The following KCND3 variants were observed in gnomAD, a reference collection of about 807,000 sequenced individuals.
KCND3 encodes the protein A-type voltage-gated potassium channel KCND3.
KCND3 carries 9 observed loss-of-function variants against 51.1 expected under a neutral mutation model. The observed-to-expected ratio is 0.18, with a 90% confidence interval of 0.11 to 0.31. KCND3 has a LOEUF of 0.31. Among genes scored for constraint, KCND3 ranks in the 10% least tolerant of loss-of-function variants. KCND3 has a pLI of 1.00. For missense variants in KCND3, 526 were observed against 903.8 expected, an observed-to-expected ratio of 0.58 and a Z score of 5.36; for synonymous variants, 349 against 368.0, an observed-to-expected ratio of 0.95 and a Z score of 0.59.
At chr1:111,819,211 G>C (rs1666240935) in intron 2 of KCND3, among the ~76,000 whole-genome samples, 1 of 152,094 alleles carries the variant, frequency 6.6e-6, no homozygotes, top group African/African-American at 2.4e-5. Context: ...AGGGGGAAGA[G>C]GCCTCTCCCC....
intron 2 of KCND3, among the ~76,000 whole-genome samples, chr1:111,810,798 T>A (rs1465073178): frequency 6.6e-6 from 1 of 152,176 alleles, no homozygotes; most frequent in African/African-American, 2.4e-5. Context: ...TTGGCTATAT[T>A]TTTTTTCCAG....
chr1:111,906,589 T>C (rs1290338884), intron 2 of KCND3, among the ~76,000 whole-genome samples: 1 of 152,252 alleles, frequency 6.6e-6, no homozygotes, highest in African/African-American at 2.4e-5. Flanking sequence ...AACTTGATTT[T>C]TAAATTTTGC....
intron 2 of KCND3, among the ~76,000 whole-genome samples, chr1:111,956,721 A>C (rs1673362065): frequency 6.6e-6 from 1 of 152,104 alleles, no homozygotes; most frequent in Admixed American, 6.5e-5. Flanking sequence ...TTCCCCAGAG[A>C]AAAGCAGGCG....
intron 2 of KCND3, among the ~76,000 whole-genome samples, chr1:111,817,515 A>C (rs756031674): frequency 1.3e-5 from 2 of 152,224 alleles, no homozygotes; most frequent in Non-Finnish European, 2.9e-5. Context: ...CTGGGGGGTT[A>C]GCTAATTAAA....
chr1:111,787,712 A>G (rs1418142874), intron 2 of KCND3, among the ~76,000 whole-genome samples: 1 of 152,232 alleles, frequency 6.6e-6, no homozygotes, highest in African/African-American at 2.4e-5. Flanking sequence ...TAAGCAAAAG[A>G]GTAACAGAAT....
rs547129841 is a variant in KCND3 at position 111,841,350 on chromosome 1, G to A, written c.1107-54244C>T. On this transcript the variant is annotated intron_variant, in intron 2 of 7. Coordinates refer to ENST00000302127, the MANE Select transcript of KCND3 (RefSeq NM_001378969.1). ...CCCTCGCTGTACATTTCAGGCCTGC[G>A]TTCCATCCAACAGAGAGGAGGACCC... 1.2e-4 allele frequency among the ~76,000 whole-genome samples: 19 copies of A among 152,230 alleles called. No homozygotes were observed. In the South Asian group the frequency reaches 3.1e-3, roughly 25 times the overall value.
intron 2 of KCND3, among the ~76,000 whole-genome samples, chr1:111,941,220 A>C (rs1472960319): frequency 6.6e-6 from 1 of 151,816 alleles, no homozygotes; most frequent in African/African-American, 2.4e-5. Flanking sequence ...TCTACTTCTC[A>C]CTGCTAGGCA....
intron 7 of KCND3, 70 bp downstream of exon 7, chr1:111,776,956 G>T: frequency 6.2e-7 from 1 of 1,607,268 alleles, no homozygotes; most frequent in Non-Finnish European, 8.5e-7. Context: ...TTCTCCTAAT[G>T]CTGCAATTGT....
At chr1:111,867,038 T>C (rs1668611145) in intron 2 of KCND3, among the ~76,000 whole-genome samples, 1 of 152,248 alleles carries the variant, frequency 6.6e-6, no homozygotes, top group South Asian at 2.1e-4. Flanking sequence ...GTTAGTCACC[T>C]GTGTGATCTT....
chr1:111,775,813 T>TGC lies in KCND3; in HGVS notation c.*263_*264insGC. 3.5e-6 allele frequency: 1 copy of TGC among 284,074 alleles called. No individual in the cohort carries two copies. The highest frequency in any genetic ancestry group is 2.9e-5 in the South Asian group (1 of 34,046). 17.6% of individuals were successfully genotyped at this position (284,074 alleles called of 1,614,324 possible). A position where few individuals can be genotyped will look rare whatever the true frequency, so the allele number is the denominator to read the frequency against. On this transcript the variant is annotated 3_prime_UTR_variant, in exon 8 of 8. Transcript: ENST00000302127. The stretch of plus-strand genomic sequence containing the variant: ...CACATAGCCTATATCCCCCGGCCTA[T>TGC]CCCCGACCCCCCCACCCTCCCTCCC...
intron 2 of KCND3, among the ~76,000 whole-genome samples, chr1:111,834,862 A>T (rs896856541): frequency 1.2e-4 from 19 of 152,342 alleles, no homozygotes; most frequent in African/African-American, 4.6e-4. Flanking sequence ...GCCCTCCATC[A>T]GCCAGGATGC....
chr1:111,794,419 G>A (rs1029852659), intron 2 of KCND3, among the ~76,000 whole-genome samples: 2 of 152,214 alleles, frequency 1.3e-5, no homozygotes, highest in Admixed American at 6.5e-5. Flanking sequence ...GGCACTGGCC[G>A]GTTAGGGCCC....
intron 2 of KCND3, among the ~76,000 whole-genome samples, chr1:111,883,034 G>C (rs759708410): frequency 4.1e-4 from 62 of 152,352 alleles, no homozygotes; most frequent in South Asian, 8.3e-4. Context: ...AAACAGTTTG[G>C]ATCAAGTCAT....
intron 2 of KCND3, among the ~76,000 whole-genome samples, chr1:111,867,197 G>A (rs1241227951): frequency 1.3e-5 from 2 of 152,090 alleles, no homozygotes; most frequent in Non-Finnish European, 2.9e-5. Context: ...CACCATATAA[G>A]CTCTTGCCCG....
chr1:111,948,169 C>T lies in KCND3; in HGVS notation c.1106+33452G>A, dbSNP rs140731632. 9.3e-3 allele frequency among the ~76,000 whole-genome samples: 1,412 copies of T among 152,304 alleles called. 21 individuals are homozygous for T. Among genetic ancestry groups the T allele is most frequent in the African/African-American group, 0.032 (1,346 of 41,558 alleles). On this transcript the variant is annotated intron_variant, in intron 2 of 7. Coordinates refer to ENST00000302127, the MANE Select transcript of KCND3 (RefSeq NM_001378969.1). Reference sequence around the variant, plus strand: ...ACAGGGCAAATGGGCCCCACCATGCCCCTATCCTGTGCGTGGCCTCCCTCT... The same window carrying T: ...ACAGGGCAAATGGGCCCCACCATGCTCCTATCCTGTGCGTGGCCTCCCTCT...
chr1:111,812,551 G>A (rs939541189), intron 2 of KCND3, among the ~76,000 whole-genome samples: 4 of 152,218 alleles, frequency 2.6e-5, no homozygotes, highest in Non-Finnish European at 4.4e-5. Flanking sequence ...GCCAAGCACC[G>A]TGCTAAGCAC....
chr1:111,784,727 GAC>G (rs948448179), intron 3 of KCND3, among the ~76,000 whole-genome samples: 34 of 152,120 alleles, frequency 2.2e-4, no homozygotes, highest in Admixed American at 5.9e-4. Flanking sequence ...CAAGGTGACA[GAC>G]ACAGAGCTGA....
chr1:111,810,605 T>C (rs2101572330), intron 2 of KCND3, among the ~76,000 whole-genome samples: 1 of 152,270 alleles, frequency 6.6e-6, no homozygotes, highest in South Asian at 2.1e-4. Context: ...AGGTGGAAAA[T>C]GTCTCTTTCC....
At chr1:111,933,400 T>A (rs567770798) in intron 2 of KCND3, among the ~76,000 whole-genome samples, 11 of 152,212 alleles carry the variant, frequency 7.2e-5, no homozygotes, top group Non-Finnish European at 1.0e-4. Context: ...GTAAGTACTT[T>A]GTGAGTGTTA....
Sources: gnomAD v4.1 joint callset for allele counts (sites outside exome capture counted in the v4.1 genomes callset) on GRCh38, gnomAD v4.1.1 for gene constraint, MANE v1.5 for transcripts, NCBI Gene and HGNC (gene_info 2026-07-23, HGNC 2026-07-21) for gene names.